Variants in NDUFAF6 observed in about 807,000 individuals in gnomAD.
NDUFAF6 encodes the protein NADH:ubiquinone oxidoreductase complex assembly factor 6.
Under a neutral mutation model 40.8 loss-of-function variants are expected in NDUFAF6, and 45 were observed. The ratio of observed to expected loss-of-function variants is 1.10; its 90% CI spans 0.87 to 1.42. NDUFAF6 has a LOEUF of 1.42. NDUFAF6 is among the 40% of genes most tolerant of loss of function. The pLI, the probability that NDUFAF6 is intolerant of heterozygous loss-of-function variation, is 0.00. For synonymous variants in NDUFAF6, 185 were observed against 155.9 expected, an observed-to-expected ratio of 1.19 and a Z score of -1.39; for missense variants, 435 against 418.5, an observed-to-expected ratio of 1.04 and a Z score of -0.34.
chr8:95,024,530 G>A (rs777934038), upstream of NDUFAF6, among the ~76,000 whole-genome samples: 4 of 152,226 alleles, frequency 2.6e-5, no homozygotes, highest in Non-Finnish European at 5.9e-5. Flanking sequence ...TGGGCGTTTG[G>A]TGGTCACCAA....
At chr8:95,107,708 T>G (rs994619981), downstream of NDUFAF6, among the ~76,000 whole-genome samples, 1 of 152,196 alleles carries the variant, frequency 6.6e-6, no homozygotes, top group African/African-American at 2.4e-5. Context: ...TTAAAAAGTG[T>G]TTTTTTAAAA....
intron 3 of NDUFAF6, among the ~76,000 whole-genome samples, 190 bp from the exon 4 acceptor site, chr8:95,041,380 A>T (rs192728983): frequency 5.3e-5 from 8 of 152,354 alleles, no homozygotes; most frequent in Non-Finnish European, 7.4e-5. Context: ...ATAGTCTTAT[A>T]AATGTTTTGA....
intron 8 of NDUFAF6, chr8:95,055,311 C>T (rs1465901325): frequency 6.6e-6 from 1 of 151,938 alleles, no homozygotes; most frequent in Non-Finnish European, 1.5e-5. Flanking sequence ...ATGAAGCATT[C>T]CATTAAAAAA....
At chr8:95,022,636 G>A (rs1463742135), upstream of NDUFAF6, among the ~76,000 whole-genome samples, 4 of 149,390 alleles carry the variant, frequency 2.7e-5, no homozygotes, top group South Asian at 2.1e-4. Context: ...CAAGTAGTAC[G>A]AGAGAAACCA....
chr8:95,108,119 G>T (rs944514617), downstream of NDUFAF6, among the ~76,000 whole-genome samples: 1 of 152,136 alleles, frequency 6.6e-6, no homozygotes, highest in African/African-American at 2.4e-5. Flanking sequence ...TTGCTGGTGG[G>T]ATGTAAAATG....
chr8:95,020,494 G>A (rs753881153), upstream of NDUFAF6, among the ~76,000 whole-genome samples: 18 of 152,136 alleles, frequency 1.2e-4, no homozygotes, highest in Non-Finnish European at 2.1e-4. Context: ...CTGGGCTGAG[G>A]CAGCCCTGCA....
At chr8:95,052,723 T>C (rs999720036) in intron 8 of NDUFAF6, among the ~76,000 whole-genome samples, 2 of 152,194 alleles carry the variant, frequency 1.3e-5, no homozygotes, top group Admixed American at 6.5e-5. Flanking sequence ...CCTGGAAAAC[T>C]TTTTAAAAAT....
intron 1 of NDUFAF6, among the ~76,000 whole-genome samples, chr8:94,910,950 G>C (rs533568658): frequency 2.6e-5 from 4 of 152,292 alleles, no homozygotes; most frequent in African/African-American, 9.6e-5. Context: ...GAAAAGCTGT[G>C]ATACATTCGT....
intron 9 of NDUFAF6, chr8:95,073,268 C>G (rs1177377126): frequency 2.0e-5 from 3 of 152,300 alleles, no homozygotes; most frequent in Admixed American, 6.5e-5. Context: ...GACAGTGTTT[C>G]TGCGCTTCCT....
intron 1 of NDUFAF6, among the ~76,000 whole-genome samples, chr8:95,025,883 T>C (rs1371960333): frequency 6.6e-6 from 1 of 152,160 alleles, no homozygotes; most frequent in Non-Finnish European, 1.5e-5. Flanking sequence ...TGGAGGTGGG[T>C]TGGATCAATC....
intron 1 of NDUFAF6, chr8:94,932,181 C>T (rs376803050): frequency 5.8e-5 from 88 of 1,504,340 alleles, no homozygotes; most frequent in Non-Finnish European, 7.0e-5. Context: ...ACTATTAGGA[C>T]GTGGTCAACT....
In NDUFAF6 at chr8:95,058,480, A is replaced by T; in HGVS notation, c.*543A>T. On this transcript the variant is annotated 3_prime_UTR_variant, in exon 9 of 9. Transcript: ENST00000396124. Reference sequence around the variant, plus strand: ...TTTTTACAATCTTGTGTAAAAATTTATCCATGATAATAACATAACTTCTTT... The same window carrying T: ...TTTTTACAATCTTGTGTAAAAATTTTTCCATGATAATAACATAACTTCTTT... 2.4e-6 allele frequency: 3 copies of T among 1,229,108 alleles called. No individual in the cohort carries two copies. The highest frequency in any genetic ancestry group is 8.5e-5 in the South Asian group (2 of 23,594). 76.1% of individuals were successfully genotyped at this position (1,229,108 alleles called of 1,614,324 possible).
chr8:94,940,154 G>A, intron 1 of NDUFAF6: 1 of 1,614,200 alleles, frequency 6.2e-7, no homozygotes, highest in Non-Finnish European at 8.5e-7. Flanking sequence ...AGGGTGCTCA[G>A]TAGGTGACTC....
At chr8:95,115,777 T>A (rs1810119237) in intron 5 of NDUFAF6, 1 of 152,310 alleles carries the variant, frequency 6.6e-6, no homozygotes, top group East Asian at 1.9e-4. Context: ...GCTTGGCAGA[T>A]AGTTTTGAGA....
At chr8:94,900,130 C>T (rs1210319009) in intron 1 of NDUFAF6, among the ~76,000 whole-genome samples, 1 of 152,156 alleles carries the variant, frequency 6.6e-6, no homozygotes, top group Non-Finnish European at 1.5e-5. Flanking sequence ...TTATGCTTGC[C>T]TCTACCCCTG....
intron 1 of NDUFAF6, chr8:94,945,364 T>C (rs1341521866): frequency 6.6e-6 from 1 of 152,214 alleles, no homozygotes; most frequent in African/African-American, 2.4e-5. Flanking sequence ...AAAAAATAAT[T>C]TTAGTATATT....
chr8:95,082,820 C>T lies in NDUFAF6; in HGVS notation n.213+7068C>T, dbSNP rs533813083. ...GACTACAGGCGCCCGCCACTACGCC[C>T]GGCTAATTTTTTGTATTTTTTAGTA... On this transcript the variant is annotated intron_variant and non_coding_transcript_variant, in intron 2 of 5. Transcript: ENST00000523184. Among the ~76,000 whole-genome samples the T allele has an allele frequency of 4.8e-3, 733 of 152,202 alleles. 7 individuals are homozygous for T. The highest frequency in any genetic ancestry group is 8.5e-3 in the Non-Finnish European group (577 of 68,000).
intron 2 of NDUFAF6, chr8:94,988,469 A>G (rs1215758989): frequency 6.6e-6 from 1 of 152,240 alleles, no homozygotes; most frequent in Non-Finnish European, 1.5e-5. Flanking sequence ...ATGTCTTACA[A>G]AGAACCATTT....
At chr8:94,926,512 A>ACATCTAACC (rs1483406740) in intron 1 of NDUFAF6, 2 of 152,032 alleles carry the variant, frequency 1.3e-5, no homozygotes, top group Non-Finnish European at 2.9e-5. Context: ...CCTGAAACAC[A>ACATCTAACC]CATCTAACCT....
Sources: allele counts gnomAD v4.1 joint callset (sites outside exome capture counted in the v4.1 genomes callset), GRCh38; gene constraint gnomAD v4.1.1; transcripts MANE v1.5; gene names NCBI Gene and HGNC (gene_info 2026-07-23, HGNC 2026-07-21).